GSPT1: variants seen among roughly 807,000 people sequenced by gnomAD.
GSPT1 encodes the protein eukaryotic peptide chain release factor GTP-binding subunit ERF3A.
In GSPT1, 20 loss-of-function variants were observed where a neutral mutation model predicts 72.5. That is an observed-to-expected ratio of 0.28 (90% CI 0.19 to 0.40). The LOEUF (loss-of-function observed/expected upper bound fraction) is 0.40, where lower values mean the gene tolerates loss of function less well. GSPT1 is among the 10% of genes least tolerant of loss of function. GSPT1 has a pLI of 1.00. For missense variants in GSPT1, 580 were observed against 811.9 expected, an observed-to-expected ratio of 0.71 and a Z score of 3.47; for synonymous variants, 334 against 293.5, an observed-to-expected ratio of 1.14 and a Z score of -1.41.
chr16:11,893,825 T>C (rs1433556568), intron 5 of GSPT1, among the ~76,000 whole-genome samples: 1 of 151,644 alleles, frequency 6.6e-6, no homozygotes, highest in Non-Finnish European at 1.5e-5. Context: ...AGAGTCTCTG[T>C]TGTGGAAATG....
chr16:11,914,973 A>C, intron 1 of GSPT1: 2 of 1,275,182 alleles, frequency 1.6e-6, no homozygotes, highest in Non-Finnish European at 2.0e-6. Context: ...AACTCCTGGG[A>C]TCTCTAAACG....
At chr16:11,887,019 GA>G (rs1413399304) in intron 7 of GSPT1, 88 bp from the exon 8 acceptor site, 2 of 721,374 alleles carry the variant, frequency 2.8e-6, no homozygotes. Context: ...GTTATATCAC[GA>G]GTTTTTTTTT....
At chr16:11,893,545 A>T (rs774681701) in intron 5 of GSPT1, among the ~76,000 whole-genome samples, 1 of 152,200 alleles carries the variant, frequency 6.6e-6, no homozygotes, top group African/African-American at 2.4e-5. Flanking sequence ...ATGAGATAAT[A>T]ATTTCAAAAT....
In GSPT1 at chr16:11,891,137, T is replaced by C; in HGVS notation, c.701A>G (p.Tyr234Cys). 6.9e-7 allele frequency: 1 copy of C among 1,446,084 alleles called. No individual in the cohort carries two copies. 89.6% of individuals were successfully genotyped at this position (1,446,084 alleles called of 1,614,324 possible). The change falls in exon 6 of 15, where the codon TAT becomes TGT. Residue 234 changes from tyrosine to cysteine, a missense_variant and splice_region_variant. Around this residue, in one of 6 missense-constraint regions of GSPT1, gnomAD observed 51 missense variants for 118.2 expected, o/e 0.43. Transcript: ENST00000434724. ...CCTTTTGTCAACCATTCCAGTCAAA[T>C]ACCTGAAAACATTTAAAGAAAAAAA... The part of the protein sequence containing the change: ...GKSTIGGQIM[Y>C]LTGMVDKRTL...
chr16:11,875,639 A>G (rs1264656399), intron 14 of GSPT1, 122 bp downstream of exon 14: 3 of 653,260 alleles, frequency 4.6e-6, no homozygotes, highest in Non-Finnish European at 7.7e-6. Flanking sequence ...ACTCATACGA[A>G]TAAGAATGTG....
intron 6 of GSPT1, 70 bp from the exon 7 acceptor site, chr16:11,887,820 T>A: frequency 9.7e-7 from 1 of 1,028,568 alleles, no homozygotes; most frequent in Non-Finnish European, 1.5e-6. Flanking sequence ...TCTTCACCAT[T>A]AAAGATATAA....
intron 5 of GSPT1, among the ~76,000 whole-genome samples, chr16:11,891,869 C>G (rs1596465721): frequency 6.6e-6 from 1 of 151,360 alleles, no homozygotes; most frequent in Non-Finnish European, 1.5e-5. Flanking sequence ...TCACCATGGT[C>G]AGGCTGGTCT....
chr16:11,888,893 T>C (rs949055911), intron 6 of GSPT1, among the ~76,000 whole-genome samples: 1 of 152,206 alleles, frequency 6.6e-6, no homozygotes, highest in Non-Finnish European at 1.5e-5. Context: ...AAAGACTAAC[T>C]ACAAATGCCA....
intron 1 of GSPT1, among the ~76,000 whole-genome samples, chr16:11,910,414 T>C (rs1214779024): frequency 6.6e-6 from 1 of 152,190 alleles, no homozygotes; most frequent in Non-Finnish European, 1.5e-5. Context: ...AATTTATTCA[T>C]CTTGGTGTTA....
Position 11,877,935 on chromosome 16 carries a change from A to G in GSPT1, c.1429-355T>C, listed in dbSNP as rs1295798894. On this transcript the variant is annotated intron_variant, in intron 11 of 14. Coordinates refer to ENST00000434724, the MANE Select transcript of GSPT1 (RefSeq NM_002094.4). The surrounding 1 kb of genome is among the most constrained non-coding windows in gnomAD (Gnocchi z 4.0). ...ATAATTTTTATTATTATGGAATTCT[A>G]TGAAGGATTTAATAAACCTGTCTTC... 6.6e-6 allele frequency among the ~76,000 whole-genome samples: 1 copy of G among 152,196 alleles called. No homozygotes were observed. The highest frequency in any genetic ancestry group is 1.5e-5 in the Non-Finnish European group (1 of 68,034).
intron 10 of GSPT1, among the ~76,000 whole-genome samples, chr16:11,883,593 T>C (rs1198146908): frequency 4.2e-5 from 6 of 143,278 alleles, no homozygotes; most frequent in African/African-American, 1.6e-4. Context: ...CGACTCCAGC[T>C]TGGGTAAAAG....
chr16:11,913,006 C>A (rs959484783), intron 1 of GSPT1, among the ~76,000 whole-genome samples: 1 of 152,218 alleles, frequency 6.6e-6, no homozygotes, highest in African/African-American at 2.4e-5. Context: ...ACACCCAGCA[C>A]AAATTTCGGC....
At chr16:11,906,297 G>A (rs1328562216) in intron 1 of GSPT1, among the ~76,000 whole-genome samples, 1 of 152,080 alleles carries the variant, frequency 6.6e-6, no homozygotes, top group East Asian at 1.9e-4. Context: ...AATTTTAAAT[G>A]TGCCAACTTT....
intron 14 of GSPT1, among the ~76,000 whole-genome samples, chr16:11,874,454 C>CTTTTTTTTTTTTTTTTTTTTTTTT: frequency 2.1e-5 from 2 of 95,892 alleles, no homozygotes; most frequent in Non-Finnish European, 2.0e-5. Flanking sequence ...GCCAAGTTAG[C>CTTTTTTTTTTTTTTTTTTTTTTTT]TTTTTTTTTT....
intron 1 of GSPT1, chr16:11,915,038 G>A (rs913449338): frequency 6.6e-5 from 85 of 1,290,634 alleles, no homozygotes; most frequent in Non-Finnish European, 8.1e-5. Flanking sequence ...TCGTGGCAGG[G>A]ATCCGCCGCG....
Position 11,886,485 on chromosome 16 carries a change from G to A in GSPT1, c.1239C>T (p.Phe413=), listed in dbSNP as rs991170086. The change falls in exon 9 of 15, where the codon TTC becomes TTT. Residue 413 remains phenylalanine, a synonymous_variant. Coordinates refer to ENST00000434724, the MANE Select transcript of GSPT1 (RefSeq NM_002094.4). The stretch of plus-strand genomic sequence containing the variant: ...CAGTTACTTACATGTACCAAGGACA[G>A]AAATCCGACTGCTCTTTGAGATTTG... ...TGANLKEQSD[F]CPWYIGLPFI... is the part of the protein sequence containing the mutation. The A allele has an allele frequency of 3.7e-6, 6 of 1,612,318 alleles. No individual in the cohort carries two copies. The highest frequency in any genetic ancestry group is 1.3e-5 in the African/African-American group (1 of 74,900).
At chr16:11,892,884 T>C (rs1035956643) in intron 5 of GSPT1, among the ~76,000 whole-genome samples, 2 of 127,358 alleles carry the variant, frequency 1.6e-5, no homozygotes, top group African/African-American at 6.6e-5. Context: ...AATAACCTTA[T>C]AGTGGACAAT....
rs1288259703 is a variant in GSPT1, at chr16:11,876,109, A to G, written c.1669T>C (p.Cys557Arg). The change falls in exon 13 of 15, where the codon TGT becomes CGT. Residue 557 changes from cysteine (C) to arginine (R), a missense_variant. By Grantham distance (180) the Cys-to-Arg change is radical (BLOSUM62 -3). This residue lies in a region of GSPT1 where 120 missense variants were observed against 242.5 expected (regional missense o/e 0.49). Transcript: ENST00000434724. ...ACTGTTATTTCCACCTCCTCAATAC[A>G]GGTATGAATATGCAGCACCGCATTA... ...GYNAVLHIHT[C>R]IEEVEITALI... The G allele has an allele frequency of 6.2e-7, 1 of 1,603,748 alleles. No individual in the cohort carries two copies.
chr16:11,895,398 T>G (rs1265874813), intron 4 of GSPT1: 6 of 137,726 alleles, frequency 4.4e-5, no homozygotes, highest in Admixed American at 3.9e-4. Context: ...GCCATTGCAC[T>G]CCAGCCTGGG....
Sources: allele counts gnomAD v4.1 joint callset (sites outside exome capture counted in the v4.1 genomes callset), GRCh38; gene constraint gnomAD v4.1.1; regional missense constraint gnomAD v4.1.1; non-coding constraint Gnocchi (gnomAD v3.1); transcripts MANE v1.5; gene names NCBI Gene and HGNC (gene_info 2026-07-23, HGNC 2026-07-21).